ZEB1: variants seen among roughly 807,000 people sequenced by gnomAD.
The protein encoded by ZEB1 is zinc finger E-box-binding homeobox 1.
A neutral mutation model predicts 84.9 loss-of-function variants in ZEB1; 21 were observed. The observed-to-expected ratio is 0.25, with a 90% confidence interval of 0.18 to 0.36. The LOEUF is 0.36. Ranked by LOEUF, ZEB1 falls within the 10% of genes least tolerant of loss-of-function variation. The pLI is 1.00. For missense variants in ZEB1, 1,104 were observed against 1,330.2 expected, an observed-to-expected ratio of 0.83 and a Z score of 2.65; for synonymous variants, 420 against 471.1, an observed-to-expected ratio of 0.89 and a Z score of 1.41.
rs2057992261 is a variant in ZEB1 at position 31,433,752 on chromosome 10, CTGGAAA to C, written c.59-27282_59-27277del. On this transcript the variant is annotated intron_variant, in intron 1 of 8. Transcript: ENST00000424869. Reference sequence around the variant, plus strand: ...TAAGTGAAACTGGCAAATTTTTTAACTGGAAATGAGTGGCAGTGAGGGCTACAAGGA... The same window carrying C: ...TAAGTGAAACTGGCAAATTTTTTAACTGAGTGGCAGTGAGGGCTACAAGGA... Among the ~76,000 whole-genome samples, 3 of 152,282 alleles carry C rather than the reference CTGGAAA, an allele frequency of 2.0e-5. No individual in the cohort carries two copies. The South Asian group carries it at 6.2e-4, about 32-fold the overall frequency.
intron 2 of ZEB1, among the ~76,000 whole-genome samples, chr10:31,465,741 G>C (rs1325696807): frequency 6.6e-6 from 1 of 151,530 alleles, no homozygotes; most frequent in Admixed American, 6.6e-5. Flanking sequence ...AGTCTCCTAA[G>C]TAGCTAGGAC....
Position 31,520,598 on chromosome 10 carries a change from T to C in ZEB1, c.1266T>C (p.Asp422=). 6.2e-7 allele frequency: 1 copy of C among 1,613,976 alleles called. No individual in the cohort carries two copies. ...DIQNVLKVAV[D]GNVIRQVLEN... ...AGAATGTACTTAAAGTGGCGGTAGA[T>C]GGTAATGTAATAAGGCAAGTGTTGG... Residue 422 remains aspartate, a synonymous_variant, in exon 7 of 9, where the codon GAT becomes GAC. Transcript: ENST00000424869. This position sits in a 1 kb window ranked among gnomAD's most constrained non-coding sequence, Gnocchi z 5.1.
rs189950140 is a variant in ZEB1 at position 31,526,614 on chromosome 10, A to T, written c.2786-58A>T. 1,948 of 1,596,912 alleles carry T rather than the reference A, an allele frequency of 1.2e-3. 5 individuals are homozygous for T. The highest frequency in any genetic ancestry group is 7.5e-3 in the Middle Eastern group (38 of 5,066). ...CAACATGAAGTACCCCAAAAACCGT[A>T]TAAGGATTTTATTTGCTGAATACCA... On this transcript the variant is annotated intron_variant, in intron 8 of 8. Coordinates refer to ENST00000424869, the MANE Select transcript of ZEB1 (RefSeq NM_001174096.2).
chr10:31,363,963 C>T, intron 1 of ZEB1: 1 of 1,293,332 alleles, frequency 7.7e-7, no homozygotes, highest in South Asian at 1.6e-5. Context: ...CTGGGAAGGC[C>T]TCACGGACAA....
intron 1 of ZEB1, among the ~76,000 whole-genome samples, chr10:31,437,989 T>C (rs1189516001): frequency 6.6e-6 from 1 of 152,248 alleles, no homozygotes; most frequent in East Asian, 1.9e-4. Flanking sequence ...TAAAATTTTT[T>C]CATAAGATGA....
At chr10:31,349,684 T>C (rs1479403681) in intron 1 of ZEB1, among the ~76,000 whole-genome samples, 1 of 152,256 alleles carries the variant, frequency 6.6e-6, no homozygotes, top group Non-Finnish European at 1.5e-5. Context: ...TGCTGAGCAC[T>C]ATTTCATATA....
intron 1 of ZEB1, among the ~76,000 whole-genome samples, chr10:31,448,994 G>C (rs1200505274): frequency 6.6e-6 from 1 of 152,230 alleles, no homozygotes; most frequent in African/African-American, 2.4e-5. Flanking sequence ...GGGCAATGGC[G>C]GGCGCCCCTC....
At chr10:31,480,450 T>C (rs980494126) in intron 2 of ZEB1, among the ~76,000 whole-genome samples, 1 of 152,044 alleles carries the variant, frequency 6.6e-6, no homozygotes, top group Non-Finnish European at 1.5e-5. Flanking sequence ...CCAGAGGTGG[T>C]GTATGATTTA....
At position 31,319,466 on chromosome 10, in the gene ZEB1, G is replaced by GGAGCC. The variant is rs1189301941; in HGVS notation, c.58+176_58+180dup. The GGAGCC allele has an allele frequency of 4.6e-6, 3 of 650,458 alleles. No individual in the cohort carries two copies. The Admixed American group carries it at 8.5e-5, about 19-fold the overall frequency. 40.3% of individuals were successfully genotyped at this position (650,458 alleles called of 1,614,324 possible). A position where few individuals can be genotyped will look rare whatever the true frequency, so the allele number is the denominator to read the frequency against. ...GCCCCCCTCCGCTGCCGCCGCTGCC[G>GGAGCC]GAGCCGCGCCGCGGCCGCTCGCTCT... is the stretch of plus-strand genomic sequence containing the variant. On this transcript the variant is annotated intron_variant, in intron 1 of 8. Transcript: ENST00000424869.
At chr10:31,491,891 G>T (rs2066583466) in intron 2 of ZEB1, among the ~76,000 whole-genome samples, 1 of 151,902 alleles carries the variant, frequency 6.6e-6, no homozygotes, top group Non-Finnish European at 1.5e-5. Flanking sequence ...TAAATTGGAA[G>T]ATACAGGAGC....
intron 1 of ZEB1, among the ~76,000 whole-genome samples, chr10:31,376,884 A>G (rs2046731184): frequency 6.6e-6 from 1 of 151,692 alleles, no homozygotes; most frequent in African/African-American, 2.4e-5. Flanking sequence ...AAGTTGTGCC[A>G]ACGGAAATAA....
intron 1 of ZEB1, among the ~76,000 whole-genome samples, chr10:31,406,558 A>G (rs977605475): frequency 4.6e-5 from 7 of 151,662 alleles, no homozygotes; most frequent in African/African-American, 1.7e-4. Flanking sequence ...TTTCTTGTAA[A>G]TTTGTTTAAG....
intron 1 of ZEB1, among the ~76,000 whole-genome samples, chr10:31,378,995 C>T (rs1314277768): frequency 6.6e-6 from 1 of 152,012 alleles, no homozygotes; most frequent in African/African-American, 2.4e-5. Flanking sequence ...GATACATATA[C>T]CTATCATTCA....
intron 2 of ZEB1, among the ~76,000 whole-genome samples, chr10:31,470,947 C>A (rs2063157552): frequency 7.3e-6 from 1 of 136,536 alleles, no homozygotes; most frequent in East Asian, 2.1e-4. Context: ...CCCAGAATTT[C>A]ATATCCAGCC....
intron 2 of ZEB1, among the ~76,000 whole-genome samples, chr10:31,467,348 T>C (rs147666408): frequency 8.0e-4 from 121 of 152,060 alleles, no homozygotes; most frequent in African/African-American, 2.8e-3. Flanking sequence ...CCGAGTGCCC[T>C]GCATCCGAGC....
At chr10:31,350,153 A>G (rs1376665062) in intron 1 of ZEB1, among the ~76,000 whole-genome samples, 1 of 152,130 alleles carries the variant, frequency 6.6e-6, no homozygotes, top group Non-Finnish European at 1.5e-5. Context: ...CAGTTTTCCC[A>G]ACACCATTTA....
At chr10:31,455,622 G>T (rs191313404) in intron 1 of ZEB1, among the ~76,000 whole-genome samples, 3,576 of 152,220 alleles carry the variant, frequency 0.023, 132 homozygotes, top group African/African-American at 0.082. Context: ...CTTCTCAAAA[G>T]AAGACATTTA....
intron 1 of ZEB1, among the ~76,000 whole-genome samples, chr10:31,451,261 A>G (rs932003509): frequency 1.3e-5 from 2 of 152,186 alleles, no homozygotes; most frequent in Non-Finnish European, 2.9e-5. Flanking sequence ...TAAGTTTCCT[A>G]AATTTCTTTA....
intron 1 of ZEB1, among the ~76,000 whole-genome samples, chr10:31,342,007 A>T (rs572395208): frequency 6.6e-6 from 1 of 152,328 alleles, no homozygotes; most frequent in South Asian, 2.1e-4. Flanking sequence ...TTAGATGATC[A>T]GCTGTGCCAA....
Sources: allele counts gnomAD v4.1 joint callset (sites outside exome capture counted in the v4.1 genomes callset), GRCh38; gene constraint gnomAD v4.1.1; non-coding constraint Gnocchi (gnomAD v3.1); transcripts MANE v1.5; gene names NCBI Gene and HGNC (gene_info 2026-07-23, HGNC 2026-07-21).